The following LAMA1 variants were observed in gnomAD, a reference collection of about 807,000 sequenced individuals.
LAMA1 encodes laminin subunit alpha-1.
In LAMA1, 219 loss-of-function variants were observed where a neutral mutation model predicts 348.7. That is an observed-to-expected ratio of 0.63 (90% CI 0.56 to 0.70). The LOEUF is 0.70. Among genes scored for constraint, LAMA1 ranks in the 30% least tolerant of loss-of-function variants. The pLI is 0.00. For synonymous variants in LAMA1, 1,487 were observed against 1,491.0 expected (o/e 1.00, Z 0.06); for missense variants, 3,744 against 3,888.0 (o/e 0.96, Z 0.99).
intron 1 of LAMA1, among the ~76,000 whole-genome samples, chr18:7,116,859 G>T (rs2058358790): frequency 6.7e-6 from 1 of 149,242 alleles, no homozygotes; most frequent in Non-Finnish European, 1.5e-5. Flanking sequence ...CTTTCCGCCC[G>T]CCCGCAAAAA....
chr18:6,960,674 T>TAAAAAAAAAAA (rs1352926000), intron 53 of LAMA1: 1 of 139,734 alleles, frequency 7.2e-6, no homozygotes, highest in African/African-American at 2.8e-5. Flanking sequence ...TCAGCTCAAC[T>TAAAAAAAAAAA]ACAAAAAAAA....
intron 61 of LAMA1, among the ~76,000 whole-genome samples, chr18:6,945,645 C>T (rs1267764654): frequency 4.6e-5 from 7 of 152,248 alleles, no homozygotes; most frequent in African/African-American, 1.4e-4. Context: ...TTCCCCATGG[C>T]CTCTGTGTGG....
At chr18:6,974,376 A>C (rs538970238) in intron 46 of LAMA1, among the ~76,000 whole-genome samples, 1 of 152,258 alleles carries the variant, frequency 6.6e-6, no homozygotes, top group South Asian at 2.1e-4. Flanking sequence ...GTGGTTTTAT[A>C]CACAAATACA....
intron 36 of LAMA1, among the ~76,000 whole-genome samples, chr18:6,992,328 C>T (rs601304): frequency 0.49 from 74,124 of 152,038 alleles, 18,770 homozygotes; most frequent in East Asian, 0.7. Flanking sequence ...CAGAAGCTAC[C>T]GCATGATAGC....
intron 32 of LAMA1, among the ~76,000 whole-genome samples, chr18:6,998,146 C>G (rs1039029223): frequency 3.3e-5 from 5 of 152,116 alleles, no homozygotes; most frequent in Non-Finnish European, 7.4e-5. Context: ...CAGAAAGAAA[C>G]AGCTGAGGCC....
At chr18:7,097,409 C>T (rs1264006334) in intron 1 of LAMA1, among the ~76,000 whole-genome samples, 1 of 151,242 alleles carries the variant, frequency 6.6e-6, no homozygotes, top group Non-Finnish European at 1.5e-5. Flanking sequence ...ATTTCTTATT[C>T]ATGAACGGGA....
chr18:7,069,984 C>G (rs1270686862), intron 3 of LAMA1, among the ~76,000 whole-genome samples: 1 of 152,072 alleles, frequency 6.6e-6, no homozygotes, highest in Non-Finnish European at 1.5e-5. Flanking sequence ...ATTTCTTACA[C>G]AATAGATAAC....
Position 7,011,290 on chromosome 18 carries a change from T to C in LAMA1, c.3687+10A>G. On this transcript the variant is annotated intron_variant, in intron 25 of 62. Transcript: ENST00000389658. The stretch of plus-strand genomic sequence containing the variant: ...GCACCGACTGGCTCTCGGCTGGGCG[T>C]GCACCTCACCTGGTCTCCTTGGAAC... The C allele has an allele frequency of 6.2e-7, 1 of 1,609,902 alleles. No homozygotes were observed.
intron 46 of LAMA1, among the ~76,000 whole-genome samples, chr18:6,973,513 CATA>C (rs1230033174): frequency 6.6e-6 from 1 of 152,072 alleles, no homozygotes; most frequent in East Asian, 1.9e-4. Flanking sequence ...CCCAACAAAC[CATA>C]ATATTATAGA....
In LAMA1 at chr18:7,049,079, C is replaced by G; in HGVS notation, c.767G>C (p.Arg256Pro). Residue 256 changes from arginine (R) to proline (P), a missense_variant and splice_region_variant, in exon 5 of 63, where the codon CGC becomes CCC. Around this residue, in one of 3 missense-constraint regions of LAMA1, gnomAD observed 1,529 missense variants for 1,689.4 expected, o/e 0.91. Coordinates refer to ENST00000389658, the MANE Select transcript of LAMA1 (RefSeq NM_005559.4). ...PKELDPIVTR[R>P]YYYSIKDISV... ...GCAGGACTGCCGTCCCATACTCACG[C>G]GTCTGGTAACAATAGGATCCAGTTC... 6.2e-7 allele frequency: 1 copy of G among 1,613,482 alleles called. No homozygotes were observed. Among genetic ancestry groups the G allele is most frequent in the Non-Finnish European group, 8.5e-7 (1 of 1,179,470 alleles).
chr18:7,085,621 C>CGTGTTT (rs1598312223), intron 1 of LAMA1, among the ~76,000 whole-genome samples: 3 of 151,454 alleles, frequency 2.0e-5, no homozygotes, highest in African/African-American at 7.3e-5. Context: ...GGTTTCACCA[C>CGTGTTT]GTTAGCCAGG....
intron 1 of LAMA1, among the ~76,000 whole-genome samples, chr18:7,085,892 G>A (rs988162628): frequency 3.9e-5 from 6 of 152,152 alleles, no homozygotes; most frequent in Admixed American, 3.9e-4. Context: ...ATGATTTAGT[G>A]AAAAATTCTG....
At chr18:7,091,813 TAAG>T (rs1300504246) in intron 1 of LAMA1, among the ~76,000 whole-genome samples, 1 of 152,220 alleles carries the variant, frequency 6.6e-6, no homozygotes, top group Non-Finnish European at 1.5e-5. Flanking sequence ...GTAACTGCAA[TAAG>T]AAATTGTCCT....
intron 19 of LAMA1, among the ~76,000 whole-genome samples, chr18:7,022,936 C>T (rs984955423): frequency 5.9e-5 from 9 of 152,290 alleles, no homozygotes; most frequent in Admixed American, 5.2e-4. Context: ...CTGCATCTTT[C>T]CAGGCCACTG....
chr18:7,015,631 A>G (rs1173994331), intron 22 of LAMA1, 91 bp downstream of exon 22: 9 of 1,457,958 alleles, frequency 6.2e-6, no homozygotes, highest in South Asian at 1.1e-5. Flanking sequence ...TCAACAGATT[A>G]AAGTCCAGAA....
chr18:7,093,610 T>C (rs1030642173), intron 1 of LAMA1, among the ~76,000 whole-genome samples: 1 of 152,094 alleles, frequency 6.6e-6, no homozygotes, highest in East Asian at 1.9e-4. Flanking sequence ...GTGTGCACAA[T>C]GTGAGAACAG....
Position 6,964,780 on chromosome 18 carries a change from A to G in LAMA1, c.7219T>C (p.Tyr2407His), listed in dbSNP as rs1352761352. ...KQGVLAVIDA[Y>H]NTSNKETKQG... ...TTGGTTTCTTTATTACTGGTGTTAT[A>G]GGCATCGATAACTGCTAGCACTCCT... Residue 2407 changes from tyrosine (Y) to histidine (H), a missense_variant, in exon 51 of 63, where the codon TAT (tyrosine) becomes CAT (histidine). By Grantham distance (83) the Tyr-to-His change is moderately conservative. Around this residue, in one of 3 missense-constraint regions of LAMA1, gnomAD observed 1,983 missense variants for 1,934.3 expected, o/e 1.03. Transcript: ENST00000389658. 6.2e-7 allele frequency: 1 copy of G among 1,614,160 alleles called. No homozygotes were observed. The highest frequency in any genetic ancestry group is 1.1e-5 in the South Asian group (1 of 91,084).
In LAMA1 at chr18:7,107,204, C is replaced by T. The variant is rs1277542515; in HGVS notation, c.61+10456G>A. On this transcript the variant is annotated intron_variant, in intron 1 of 62. Coordinates refer to ENST00000389658, the MANE Select transcript of LAMA1 (RefSeq NM_005559.4). The stretch of plus-strand genomic sequence containing the variant: ...CGTGATCCTGGCTCACTGCAAGCTC[C>T]GCCTGCCGGGTTCACGCCATTCTCC... Among the ~76,000 whole-genome samples, 4 of 150,804 alleles carry T rather than the reference C, an allele frequency of 2.7e-5. No individual in the cohort carries two copies. In the East Asian group the frequency reaches 6.0e-4, roughly 23 times the overall value.
chr18:7,009,342 C>A lies in LAMA1; in HGVS notation c.3898G>T (p.Val1300Phe). ...RENFWKYFNS[V>F]SEKPVTREDF... is the part of the protein sequence containing the mutation. The stretch of plus-strand genomic sequence containing the variant: ...TCTCGCGTGACAGGTTTTTCAGAAA[C>A]AGAGTTAAAATATTTCCAAAAATTC... Residue 1300 changes from valine to phenylalanine, a missense_variant, in exon 27 of 63, where the codon GTT becomes TTT. This residue lies in a region of LAMA1 where 1,983 missense variants were observed against 1,934.3 expected (regional missense o/e 1.03). Transcript: ENST00000389658. 1 of 1,614,076 alleles carries A rather than the reference C, an allele frequency of 6.2e-7. No individual in the cohort carries two copies. Among genetic ancestry groups the A allele is most frequent in the South Asian group, 1.1e-5 (1 of 91,078 alleles).
Sources: gnomAD v4.1 joint callset for allele counts (sites outside exome capture counted in the v4.1 genomes callset) on GRCh38, gnomAD v4.1.1 for gene constraint, gnomAD v4.1.1 regional missense constraint, MANE v1.5 for transcripts, NCBI Gene and HGNC (gene_info 2026-07-23, HGNC 2026-07-21) for gene names.